INPP4B: variants seen among roughly 807,000 people sequenced by gnomAD.
INPP4B encodes the protein inositol polyphosphate-4-phosphatase type II B.
Under a neutral mutation model 122.5 loss-of-function variants are expected in INPP4B, and 55 were observed. The ratio of observed to expected loss-of-function variants is 0.45; its 90% CI spans 0.36 to 0.56. The LOEUF is 0.56. Ranked by LOEUF, INPP4B falls within the 20% of genes least tolerant of loss-of-function variation. The pLI is 0.00. For missense variants in INPP4B, 1,000 were observed against 1,097.7 expected, an observed-to-expected ratio of 0.91 and a Z score of 1.26; for synonymous variants, 403 against 388.7, an observed-to-expected ratio of 1.04 and a Z score of -0.43.
At chr4:142,771,520 G>A (rs1284166449) in intron 1 of INPP4B, among the ~76,000 whole-genome samples, 1 of 152,100 alleles carries the variant, frequency 6.6e-6, no homozygotes, top group Non-Finnish European at 1.5e-5. Flanking sequence ...TGGTGGCTTG[G>A]AACAAAGCTA....
intron 8 of INPP4B, among the ~76,000 whole-genome samples, chr4:142,307,854 G>A (rs1391592259): frequency 1.3e-5 from 2 of 152,130 alleles, no homozygotes; most frequent in African/African-American, 2.4e-5. Context: ...GGAGGTATGG[G>A]TGGTTTTAAA....
intron 9 of INPP4B, among the ~76,000 whole-genome samples, chr4:142,284,118 G>C (rs1196527388): frequency 1.3e-5 from 2 of 151,980 alleles, no homozygotes; most frequent in Admixed American, 6.6e-5. Context: ...AAAGTAATAG[G>C]AATGAAAACC....
At chr4:142,552,519 T>C (rs1320693687) in intron 2 of INPP4B, among the ~76,000 whole-genome samples, 1 of 152,034 alleles carries the variant, frequency 6.6e-6, no homozygotes, top group African/African-American at 2.4e-5. Context: ...AATTCCTACA[T>C]CAGATTGGTG....
At position 142,108,130 on chromosome 4, in the gene INPP4B, T is replaced by C; in HGVS notation, c.2337A>G (p.Glu779=). Residue 779 remains glutamate, a synonymous_variant, in exon 23 of 26, where the codon GAA becomes GAG. Transcript: ENST00000262992. ...TCTTTTCCATAAATATCTTGTAATA[T>C]TCTTGTAGAAGTTCGAAGTTTTCCT... ...INQENFELLQ[E]YYKIFMEKMP... 1 of 1,590,970 alleles carries C rather than the reference T, an allele frequency of 6.3e-7. No homozygotes were observed.
At position 142,196,399 on chromosome 4, in the gene INPP4B, C is replaced by T. The variant is rs1260372838; in HGVS notation, c.1073-3204G>A. 5.9e-5 allele frequency among the ~76,000 whole-genome samples: 9 copies of T among 152,104 alleles called. No individual in the cohort carries two copies. In the East Asian group the frequency reaches 1.5e-3, roughly 26 times the overall value. ...CTATTAAGCTTAACATATTCTAACG[C>T]TTGACCCTAACTGGCTCTTCCTTCC... On this transcript the variant is annotated intron_variant, in intron 14 of 25. Coordinates refer to ENST00000262992, the MANE Select transcript of INPP4B (RefSeq NM_001101669.3).
chr4:142,387,909 T>C (rs992729185), intron 7 of INPP4B, among the ~76,000 whole-genome samples: 2 of 152,194 alleles, frequency 1.3e-5, no homozygotes, highest in East Asian at 3.9e-4. Flanking sequence ...CATGACATTG[T>C]AACCACGTGG....
intron 2 of INPP4B, among the ~76,000 whole-genome samples, chr4:142,676,244 T>C (rs770994137): frequency 2.6e-5 from 4 of 152,068 alleles, no homozygotes; most frequent in Non-Finnish European, 5.9e-5. Context: ...CCATTCACAA[T>C]TGCTACAAAG....
chr4:142,051,214 C>G (rs192228969), intron 25 of INPP4B, among the ~76,000 whole-genome samples: 2 of 151,958 alleles, frequency 1.3e-5, no homozygotes, highest in Non-Finnish European at 2.9e-5. Flanking sequence ...ATACTACAGC[C>G]AAGAACACAT....
At chr4:142,585,789 G>A (rs1230657561) in intron 2 of INPP4B, among the ~76,000 whole-genome samples, 1 of 151,698 alleles carries the variant, frequency 6.6e-6, no homozygotes, top group Non-Finnish European at 1.5e-5. Context: ...GAGGTAGAGA[G>A]TATAAGAGAT....
rs747601388 is a variant in INPP4B at position 142,457,750 on chromosome 4, TTTTG to T, written c.-127+4909_-127+4912del. ...GTTACTTTGGGAAAATATCTGCTAG[TTTTG>T]TTTGTTTGTTTGTTTTTGTTTTTTA... On this transcript the variant is annotated intron_variant, in intron 3 of 25. Coordinates refer to ENST00000262992, the MANE Select transcript of INPP4B (RefSeq NM_001101669.3). Among the ~76,000 whole-genome samples, 9 of 152,200 alleles carry T rather than the reference TTTTG, an allele frequency of 5.9e-5. No homozygotes were observed. In the East Asian group the frequency reaches 7.8e-4, roughly 13 times the overall value.
chr4:142,284,919 T>G (rs1286891160), intron 9 of INPP4B, among the ~76,000 whole-genome samples: 1 of 152,116 alleles, frequency 6.6e-6, no homozygotes, highest in Admixed American at 6.5e-5. Flanking sequence ...TCAATTTATA[T>G]TTTGCTTGTG....
intron 7 of INPP4B, among the ~76,000 whole-genome samples, chr4:142,321,282 T>G (rs1275052481): frequency 6.6e-6 from 1 of 152,222 alleles, no homozygotes; most frequent in Non-Finnish European, 1.5e-5. Context: ...AATTGTTTGT[T>G]TATGTCCTTA....
intron 2 of INPP4B, among the ~76,000 whole-genome samples, chr4:142,715,050 C>G (rs1371930484): frequency 6.6e-6 from 1 of 152,014 alleles, no homozygotes; most frequent in Non-Finnish European, 1.5e-5. Flanking sequence ...GAAACACAAC[C>G]CTATTAACTG....
At chr4:142,030,245 A>C (rs1738947389) in intron 25 of INPP4B, 5 of 1,535,676 alleles carry the variant, frequency 3.3e-6, no homozygotes, top group East Asian at 2.4e-5. Context: ...GCTTGTTATC[A>C]GTTAGACAGC....
At chr4:142,401,185 A>G (rs2149134969) in intron 7 of INPP4B, among the ~76,000 whole-genome samples, 1 of 152,118 alleles carries the variant, frequency 6.6e-6, no homozygotes, top group South Asian at 2.1e-4. Flanking sequence ...CACTTGAACT[A>G]TATCTCCCTC....
At chr4:142,539,632 G>T (rs1022259245) in intron 2 of INPP4B, among the ~76,000 whole-genome samples, 6 of 151,994 alleles carry the variant, frequency 3.9e-5, no homozygotes, top group African/African-American at 1.4e-4. Context: ...GTTCTCCACG[G>T]AAGCCTGTGA....
rs548377727 is a variant in INPP4B at position 142,320,197 on chromosome 4, C to A, written c.373-5435G>T. Among the ~76,000 whole-genome samples the A allele has an allele frequency of 3.0e-3, 464 of 152,344 alleles. 1 individual carries two copies. Among genetic ancestry groups the A allele is most frequent in the African/African-American group, 0.011 (443 of 41,582 alleles). On this transcript the variant is annotated intron_variant, in intron 7 of 25. Coordinates refer to ENST00000262992, the MANE Select transcript of INPP4B (RefSeq NM_001101669.3). Reference sequence around the variant, plus strand: ...ACAGAGAATCTCCTTGGCATCAAATCTTCTCTAACTTCTGTTTTTAGGAAG... The same window carrying A: ...ACAGAGAATCTCCTTGGCATCAAATATTCTCTAACTTCTGTTTTTAGGAAG...
intron 2 of INPP4B, among the ~76,000 whole-genome samples, chr4:142,554,906 A>G (rs1225688877): frequency 2.0e-5 from 3 of 152,200 alleles, no homozygotes; most frequent in Non-Finnish European, 4.4e-5. Context: ...AGCGGATGCT[A>G]TTCCCTCTGT....
At chr4:142,553,046 A>C (rs1728349034) in intron 2 of INPP4B, among the ~76,000 whole-genome samples, 1 of 152,146 alleles carries the variant, frequency 6.6e-6, no homozygotes, top group African/African-American at 2.4e-5. Flanking sequence ...TCCTTTTCTA[A>C]GTATTACCCT....
Sources: gnomAD v4.1 joint callset for allele counts (sites outside exome capture counted in the v4.1 genomes callset) on GRCh38, gnomAD v4.1.1 for gene constraint, MANE v1.5 for transcripts, NCBI Gene and HGNC (gene_info 2026-07-23, HGNC 2026-07-21) for gene names.